LRRK2: variants seen among roughly 807,000 people sequenced by gnomAD.
The protein encoded by LRRK2 is leucine-rich repeat serine/threonine-protein kinase 2.
Under a neutral mutation model 302.6 loss-of-function variants are expected in LRRK2, and 203 were observed. The observed-to-expected ratio is 0.67, with a 90% CI of 0.60 to 0.75. The LOEUF (loss-of-function observed/expected upper bound fraction) is 0.75. LRRK2 is among the 30% of genes least tolerant of loss of function. The pLI is 0.00. For missense variants in LRRK2, 2,830 were observed against 2,951.0 expected (o/e 0.96, Z 0.95); for synonymous variants, 1,066 against 1,031.9 (o/e 1.03, Z -0.63).
chr12:40,321,001 G>A, intron 34 of LRRK2, 33 bp from the exon 35 acceptor site: 1 of 1,611,134 alleles, frequency 6.2e-7, no homozygotes, highest in Non-Finnish European at 8.5e-7. Flanking sequence ...TGTTTTGTGA[G>A]GCTGTATAAC....
chr12:40,324,768 T>C (rs1383156828), intron 38 of LRRK2, among the ~76,000 whole-genome samples: 1 of 152,196 alleles, frequency 6.6e-6, no homozygotes, highest in East Asian at 1.9e-4. Context: ...AATGTATTAG[T>C]AATAGTGGGT....
At chr12:40,347,700 C>T (rs1161694159) in intron 42 of LRRK2, among the ~76,000 whole-genome samples, 6 of 152,300 alleles carry the variant, frequency 3.9e-5, no homozygotes, top group Admixed American at 2.6e-4. Flanking sequence ...CAGTGGCTTA[C>T]GCCTGTAATC....
intron 25 of LRRK2, among the ~76,000 whole-genome samples, chr12:40,301,788 G>A (rs1216018477): frequency 2.6e-5 from 4 of 152,116 alleles, no homozygotes; most frequent in Non-Finnish European, 4.4e-5. Flanking sequence ...CTCTTTTACA[G>A]ATAAGAAAAG....
intron 45 of LRRK2, among the ~76,000 whole-genome samples, chr12:40,355,522 TC>T (rs1946503429): frequency 1.3e-4 from 3 of 23,792 alleles, no homozygotes; most frequent in Non-Finnish European, 3.0e-4. Context: ...CCTCCCTCCC[TC>T]CCTCCCTTCC....
At position 40,321,919 on chromosome 12, in the gene LRRK2, C is replaced by T. The variant is rs1037612401; in HGVS notation, c.5171-116C>T. The T allele has an allele frequency of 1.1e-5, 11 of 1,010,466 alleles. No homozygotes were observed. In the African/African-American group the frequency reaches 1.3e-4, roughly 12 times the overall value. The allele number at this position is 1,010,466 out of a possible 1,614,324, so 62.6% of individuals were successfully genotyped here. A position where few individuals can be genotyped will look rare whatever the true frequency, so the allele number is the denominator to read the frequency against. ...GGATGAGGACTCATATCAGTAACAA[C>T]CCAATACTTTATTTCAAAATGAATA... On this transcript the variant is annotated intron_variant, in intron 35 of 50. Transcript: ENST00000298910.
At position 40,253,105 on chromosome 12, in the gene LRRK2, A is replaced by C. The variant is rs559969395; in HGVS notation, c.1288+89A>C. 15 of 816,712 alleles carry C rather than the reference A, an allele frequency of 1.8e-5. No individual in the cohort carries two copies. The African/African-American group carries it at 2.4e-4, about 13-fold the overall frequency. 50.6% of individuals were successfully genotyped at this position (816,712 alleles called of 1,614,324 possible). Reference sequence around the variant, plus strand: ...AAGCTATATACTGTGAAAAATTTACATAATTTATAAAGCTATATATTGTGA... The same window carrying C: ...AAGCTATATACTGTGAAAAATTTACCTAATTTATAAAGCTATATATTGTGA... On this transcript the variant is annotated intron_variant, in intron 11 of 50. Transcript: ENST00000298910.
chr12:40,335,239 G>C (rs548389982), intron 40 of LRRK2, 82 bp downstream of exon 40: 1 of 1,369,352 alleles, frequency 7.3e-7, no homozygotes, highest in East Asian at 2.4e-5. Context: ...ACACTTCCCA[G>C]TAACACTGTG....
At chr12:40,336,501 T>A (rs1945875284) in intron 40 of LRRK2, among the ~76,000 whole-genome samples, 1 of 152,162 alleles carries the variant, frequency 6.6e-6, no homozygotes, top group African/African-American at 2.4e-5. Flanking sequence ...TAGTAAGCCT[T>A]CAGAATTACT....
chr12:40,338,626 A>G lies in LRRK2; in HGVS notation c.5949-1668A>G, dbSNP rs1201248875. 2.6e-5 allele frequency among the ~76,000 whole-genome samples: 4 copies of G among 152,352 alleles called. No homozygotes were observed. The East Asian group carries it at 5.8e-4, about 22-fold the overall frequency. Reference sequence around the variant, plus strand: ...AAAAGCTATTAGAACTGCACTTCTTAAGATTAAATTCTATAATTGAACATT... The same window carrying G: ...AAAAGCTATTAGAACTGCACTTCTTGAGATTAAATTCTATAATTGAACATT... On this transcript the variant is annotated intron_variant, in intron 40 of 50. Coordinates refer to ENST00000298910, the MANE Select transcript of LRRK2 (RefSeq NM_198578.4).
chr12:40,350,484 C>A (rs900277094), intron 43 of LRRK2, among the ~76,000 whole-genome samples: 1 of 152,106 alleles, frequency 6.6e-6, no homozygotes, highest in Admixed American at 6.5e-5. Flanking sequence ...AAGATTTGCC[C>A]AAGTAACCTT....
Position 40,285,788 on chromosome 12 carries a change from T to A in LRRK2, c.2501-1563T>A, listed in dbSNP as rs564618849. Among the ~76,000 whole-genome samples the A allele has an allele frequency of 1.2e-3, 186 of 152,128 alleles. 1 individual carries two copies. Among genetic ancestry groups the A allele is most frequent in the African/African-American group, 4.0e-3 (166 of 41,538 alleles). On this transcript the variant is annotated intron_variant, in intron 19 of 50. Transcript: ENST00000298910. ...ACGTGGAGCAAATTTAATGTCCTGA[T>A]AAAGATTACATTACTCCGTGGCAAA...
rs1029748774 is a variant in LRRK2, at chr12:40,287,451, T to C, written c.2601T>C (p.Asp867=). ...ASGSDGNFSE[D]VLSKFDEWTF... ...GCAGCGATGGAAATTTTTCTGAAGATGTGCTGTCTAAATTTGATGAATGGA... is the reference window on the plus strand; with the variant it reads ...GCAGCGATGGAAATTTTTCTGAAGACGTGCTGTCTAAATTTGATGAATGGA... The change falls in exon 20 of 51, where the codon GAT becomes GAC. Residue 867 remains aspartate, a synonymous_variant. Transcript: ENST00000298910. The C allele has an allele frequency of 2.5e-6, 4 of 1,612,750 alleles. No homozygotes were observed. In the African/African-American group the frequency reaches 5.3e-5, roughly 22 times the overall value.
chr12:40,261,978 G>T (rs1379641081), intron 13 of LRRK2, among the ~76,000 whole-genome samples: 3 of 152,066 alleles, frequency 2.0e-5, no homozygotes, highest in Admixed American at 6.6e-5. Flanking sequence ...TGAAGACCCA[G>T]TTACTTTAAT....
chr12:40,360,387 A>G (rs888935161), intron 47 of LRRK2, among the ~76,000 whole-genome samples: 3 of 151,978 alleles, frequency 2.0e-5, no homozygotes, highest in Non-Finnish European at 4.4e-5. Context: ...ACTTGGGAGT[A>G]ATCTTTGACT....
chr12:40,365,055 GTTTC>G lies in LRRK2; in HGVS notation c.7390+10_7390+13del. 6.2e-7 allele frequency: 1 copy of G among 1,609,808 alleles called. No homozygotes were observed. Among genetic ancestry groups the G allele is most frequent in the East Asian group, 2.2e-5 (1 of 44,806 alleles). ...TCATGATGACAGCACAGCTAGGCAA[GTTTC>G]TTTCCTTTAGATATTTTTCATATTC... On this transcript the variant is annotated splice_donor_region_variant and intron_variant, in intron 49 of 50. Transcript: ENST00000298910.
chr12:40,333,535 G>T (rs2136932580), intron 39 of LRRK2, among the ~76,000 whole-genome samples: 1 of 152,254 alleles, frequency 6.6e-6, no homozygotes, highest in South Asian at 2.1e-4. Flanking sequence ...AAAAGAGGCT[G>T]TGAAGTCTCA....
chr12:40,359,125 A>T, intron 46 of LRRK2, 135 bp from the exon 47 acceptor site: 1 of 743,000 alleles, frequency 1.3e-6, no homozygotes, highest in Non-Finnish European at 2.2e-6. Flanking sequence ...TGGAATCTTT[A>T]GGTTTTTGAG....
intron 12 of LRRK2, among the ~76,000 whole-genome samples, chr12:40,258,321 TCTAA>T (rs1352627660): frequency 1.3e-5 from 2 of 152,164 alleles, no homozygotes; most frequent in Admixed American, 1.3e-4. Context: ...TTAACATCAG[TCTAA>T]CTAATCTATG....
chr12:40,271,934 A>G (rs1043431262), intron 14 of LRRK2, among the ~76,000 whole-genome samples: 2 of 152,146 alleles, frequency 1.3e-5, no homozygotes, highest in African/African-American at 4.8e-5. Context: ...AGTAATGAGT[A>G]GAAGCTTGTT....
Sources: gnomAD v4.1 joint callset for allele counts (sites outside exome capture counted in the v4.1 genomes callset) on GRCh38, gnomAD v4.1.1 for gene constraint, MANE v1.5 for transcripts, NCBI Gene and HGNC (gene_info 2026-07-23, HGNC 2026-07-21) for gene names.